The following ACTR3C variants were observed in gnomAD, a reference collection of about 807,000 sequenced individuals.
The protein encoded by ACTR3C is actin related protein 3C.
A neutral mutation model predicts 26.3 loss-of-function variants in ACTR3C; 18 were observed. The observed-to-expected ratio is 0.68, with a 90% CI of 0.47 to 1.01. The LOEUF (loss-of-function observed/expected upper bound fraction) is 1.01. Among genes scored for constraint, ACTR3C ranks in the 50% least tolerant of loss-of-function variants. ACTR3C has a pLI of 0.00. For synonymous variants in ACTR3C, 55 were observed against 94.5 expected, an observed-to-expected ratio of 0.58 and a Z score of 2.42; for missense variants, 184 against 250.7, an observed-to-expected ratio of 0.73 and a Z score of 1.80.
At chr7:150,244,558 A>G (rs996645711), downstream of ACTR3C, 2 of 152,100 alleles carry the variant, frequency 1.3e-5, no homozygotes, top group Non-Finnish European at 2.9e-5. Context: ...AAGGAGGAGA[A>G]ATAATGAAAA....
chr7:150,113,200 C>T, the ACTR3C span, among the ~76,000 whole-genome samples: 18 of 150,986 alleles, frequency 1.2e-4, no homozygotes, highest in South Asian at 4.2e-4. Context: ...TCAATTTCCC[C>T]GTCCAACGGA....
At chr7:150,142,441 C>T in the ACTR3C span, among the ~76,000 whole-genome samples, 11,311 of 152,286 alleles carry the variant, frequency 0.074, 490 homozygotes, top group Middle Eastern at 0.13. Context: ...CCCAGCCCTG[C>T]GCCTGCCTCA....
At chr7:150,198,618 G>A in the ACTR3C span, among the ~76,000 whole-genome samples, 3 of 148,480 alleles carry the variant, frequency 2.0e-5, no homozygotes, top group Admixed American at 1.3e-4. Context: ...CAGCCGCCCC[G>A]TCTGAGAAGT....
chr7:150,243,375 G>A (rs929950146), downstream of ACTR3C, among the ~76,000 whole-genome samples: 5 of 151,678 alleles, frequency 3.3e-5, no homozygotes, highest in African/African-American at 1.2e-4. Flanking sequence ...TTAGGATAAC[G>A]GTAGTACACA....
the ACTR3C span, among the ~76,000 whole-genome samples, chr7:149,995,450 C>CA: frequency 1.3e-5 from 2 of 152,214 alleles, no homozygotes; most frequent in African/African-American, 4.8e-5. Flanking sequence ...AGTGAAATCA[C>CA]AGATATTTAC....
chr7:149,930,222 A>C, the ACTR3C span, among the ~76,000 whole-genome samples: 1 of 152,346 alleles, frequency 6.6e-6, no homozygotes, highest in South Asian at 2.1e-4. Flanking sequence ...TACTGTATGT[A>C]GGATACTACT....
At chr7:149,886,730 C>T in the ACTR3C span, among the ~76,000 whole-genome samples, 1 of 152,124 alleles carries the variant, frequency 6.6e-6, no homozygotes, top group Non-Finnish European at 1.5e-5. Flanking sequence ...CCAAGGCGGG[C>T]GGATCCCTTG....
At chr7:149,887,522 G>C in the ACTR3C span, among the ~76,000 whole-genome samples, 2 of 152,368 alleles carry the variant, frequency 1.3e-5, no homozygotes, top group African/African-American at 4.8e-5. Context: ...CTGGGCAGCA[G>C]GCTGGACGTA....
the ACTR3C span, among the ~76,000 whole-genome samples, chr7:149,995,414 G>A: frequency 5.3e-5 from 8 of 152,236 alleles, no homozygotes; most frequent in South Asian, 2.1e-4. Context: ...GAGGACAGGG[G>A]AAGGGATGGA....
the ACTR3C span, among the ~76,000 whole-genome samples, chr7:149,951,755 C>T: frequency 6.6e-6 from 1 of 151,178 alleles, no homozygotes; most frequent in East Asian, 1.9e-4. Flanking sequence ...TAATTATAAC[C>T]AAATCCCATT....
the ACTR3C span, among the ~76,000 whole-genome samples, chr7:150,003,894 G>GGT: frequency 1.7e-3 from 98 of 58,086 alleles, no homozygotes; most frequent in South Asian, 0.039. Flanking sequence ...GGGTGTGTGT[G>GGT]GTGTGTGTGT....
At chr7:149,955,795 A>C in the ACTR3C span, among the ~76,000 whole-genome samples, 779 of 152,304 alleles carry the variant, frequency 5.1e-3, 8 homozygotes, top group African/African-American at 0.018. Flanking sequence ...GCAGCTCTTC[A>C]ATGTCCATAC....
the ACTR3C span, among the ~76,000 whole-genome samples, chr7:150,187,281 C>A: frequency 1.3e-5 from 2 of 150,886 alleles, no homozygotes; most frequent in African/African-American, 4.9e-5. Context: ...TTTTTTAACT[C>A]TTTGAAATAA....
chr7:150,263,558 G>C (rs1428323149), intron 6 of ACTR3C, among the ~76,000 whole-genome samples: 67 of 151,704 alleles, frequency 4.4e-4, no homozygotes, highest in Non-Finnish European at 1.5e-5. Flanking sequence ...ATGTGGAAAA[G>C]AGACACTATT....
intron 1 of ACTR3C, among the ~76,000 whole-genome samples, chr7:150,297,265 T>C (rs1469829913): frequency 1.3e-5 from 2 of 150,650 alleles, no homozygotes; most frequent in East Asian, 1.9e-4. Context: ...ATGATGGATA[T>C]GCTAATTACC....
downstream of ACTR3C, among the ~76,000 whole-genome samples, chr7:150,239,212 T>G (rs1584799491): frequency 6.6e-6 from 1 of 151,230 alleles, no homozygotes; most frequent in African/African-American, 2.4e-5. Context: ...ACTCTTTTCT[T>G]TGAAAACTCA....
the ACTR3C span, among the ~76,000 whole-genome samples, chr7:149,964,919 G>A: frequency 2.0e-5 from 3 of 152,070 alleles, no homozygotes; most frequent in Admixed American, 6.5e-5. Context: ...AGGAGGAAGT[G>A]AATAAGGTCT....
At chr7:150,051,923 G>C in the ACTR3C span, among the ~76,000 whole-genome samples, 1 of 152,208 alleles carries the variant, frequency 6.6e-6, no homozygotes, top group Non-Finnish European at 1.5e-5. Context: ...TAGCTAAAAG[G>C]TTTTCTTATT....
At chr7:150,107,800 CA>C in the ACTR3C span, among the ~76,000 whole-genome samples, 1 of 151,382 alleles carries the variant, frequency 6.6e-6, no homozygotes, top group African/African-American at 2.4e-5. Context: ...GACAGTATTT[CA>C]AGAGATAAAT....
Sources: allele counts gnomAD v4.1 joint callset (sites outside exome capture counted in the v4.1 genomes callset), GRCh38; gene constraint gnomAD v4.1.1; transcripts MANE v1.5; gene names NCBI Gene and HGNC (gene_info 2026-07-23, HGNC 2026-07-21).